ZRANB1: variants seen among roughly 807,000 people sequenced by gnomAD.
The protein encoded by ZRANB1 is zinc finger RANBP2-type containing 1.
Under a neutral mutation model 80.5 loss-of-function variants are expected in ZRANB1, and 16 were observed. The observed-to-expected ratio is 0.20, with a 90% confidence interval of 0.13 to 0.30. The LOEUF is 0.30. Among genes scored for constraint, ZRANB1 ranks in the 10% least tolerant of loss-of-function variants. ZRANB1 has a pLI of 1.00. For missense variants in ZRANB1, 576 were observed against 862.6 expected, an observed-to-expected ratio of 0.67 and a Z score of 4.16; for synonymous variants, 291 against 293.1, an observed-to-expected ratio of 0.99 and a Z score of 0.07.
At position 124,985,068 on chromosome 10, in the gene ZRANB1, G is replaced by C; in HGVS notation, c.*76G>C. The C allele has an allele frequency of 8.3e-7, 1 of 1,203,850 alleles. No individual in the cohort carries two copies. The highest frequency in any genetic ancestry group is 1.2e-6 in the Non-Finnish European group (1 of 847,304). 74.6% of individuals were successfully genotyped at this position (1,203,850 alleles called of 1,614,324 possible). A position where few individuals can be genotyped will look rare whatever the true frequency, so the allele number is the denominator to read the frequency against. ...TAAAGTTAGTGTGGTGCTCCAAGCA[G>C]AGTCGACATCATGGAATGAACCAAA... On this transcript the variant is annotated 3_prime_UTR_variant, in exon 9 of 9. Transcript: ENST00000359653.
intron 1 of ZRANB1, among the ~76,000 whole-genome samples, chr10:124,962,672 AAT>A (rs1484970913): frequency 6.8e-6 from 1 of 147,624 alleles, no homozygotes; most frequent in Admixed American, 6.9e-5. Flanking sequence ...CTTACGGAAT[AAT>A]ATATGTTTGC....
At chr10:124,956,322 G>A (rs977295454) in intron 1 of ZRANB1, among the ~76,000 whole-genome samples, 4 of 152,016 alleles carry the variant, frequency 2.6e-5, no homozygotes, top group South Asian at 2.1e-4. Flanking sequence ...AAAAAGTTGC[G>A]TTAAACTAGG....
chr10:124,978,828 A>G (rs1295006782), intron 5 of ZRANB1, among the ~76,000 whole-genome samples: 5 of 117,294 alleles, frequency 4.3e-5, no homozygotes, highest in African/African-American at 1.4e-4. Flanking sequence ...ATTTTTTTGT[A>G]GAGACGGGGT....
At chr10:124,927,835 G>T in the ZRANB1 span, among the ~76,000 whole-genome samples, 1 of 152,134 alleles carries the variant, frequency 6.6e-6, no homozygotes, top group Admixed American at 6.5e-5. Flanking sequence ...CCAGGAGTTG[G>T]AGACCAGCCT....
intron 2 of ZRANB1, among the ~76,000 whole-genome samples, chr10:124,969,334 T>C (rs1303241286): frequency 6.6e-6 from 1 of 151,880 alleles, no homozygotes; most frequent in African/African-American, 2.4e-5. Context: ...AAGAGCAAAA[T>C]TGGTCATGGA....
At chr10:124,922,266 T>C in the ZRANB1 span, among the ~76,000 whole-genome samples, 1 of 75,356 alleles carries the variant, frequency 1.3e-5, no homozygotes, top group South Asian at 5.3e-4. Flanking sequence ...GTAAAATATA[T>C]ATATATATAT....
Position 124,987,734 on chromosome 10 carries a change from A to G in ZRANB1, c.*2742A>G, listed in dbSNP as rs1160082074. 1 of 152,194 alleles carries G rather than the reference A, an allele frequency of 6.6e-6. No homozygotes were observed. The highest frequency in any genetic ancestry group is 1.5e-5 in the Non-Finnish European group (1 of 68,026). 9.4% of individuals were successfully genotyped at this position (152,194 alleles called of 1,614,324 possible). ...GAGCAGACAAGGCCAGGCAAGCCAA[A>G]GGCTTTAAGACACCATGATTTTCTT... On this transcript the variant is annotated 3_prime_UTR_variant, in exon 9 of 9. Coordinates refer to ENST00000359653, the MANE Select transcript of ZRANB1 (RefSeq NM_017580.3).
chr10:124,921,188 C>T, the ZRANB1 span, among the ~76,000 whole-genome samples: 1 of 152,118 alleles, frequency 6.6e-6, no homozygotes, highest in African/African-American at 2.4e-5. Context: ...GGGGCAGTTA[C>T]TTGGGTCTTG....
intron 2 of ZRANB1, among the ~76,000 whole-genome samples, chr10:124,970,742 T>C (rs1462331158): frequency 6.6e-6 from 1 of 151,926 alleles, no homozygotes; most frequent in Non-Finnish European, 1.5e-5. Flanking sequence ...CACACCCCAC[T>C]GTGGCTGGAA....
chr10:124,942,705 G>A lies in ZRANB1; in HGVS notation c.212G>A (p.Ser71Asn). ...GSSPLICPDS[S>N]ARPRVKSSYS... ...AGTCCTTTGATATGTCCAGACTCTAGTGCAAGACCAAGGGTGAAATCTTCG... is the reference window on the plus strand; with the variant it reads ...AGTCCTTTGATATGTCCAGACTCTAATGCAAGACCAAGGGTGAAATCTTCG... Residue 71 changes from serine (S) to asparagine (N), a missense_variant, in exon 1 of 9, where the codon AGT becomes AAT. Physicochemically the swap from Ser to Asn is conservative, Grantham distance 46. Coordinates refer to ENST00000359653, the MANE Select transcript of ZRANB1 (RefSeq NM_017580.3). 1 of 1,614,228 alleles carries A rather than the reference G, an allele frequency of 6.2e-7. No homozygotes were observed. The highest frequency in any genetic ancestry group is 8.5e-7 in the Non-Finnish European group (1 of 1,180,044).
rs1952058528 is a variant in ZRANB1, at chr10:124,986,873, C to T, written c.*1881C>T. On this transcript the variant is annotated 3_prime_UTR_variant, in exon 9 of 9. Coordinates refer to ENST00000359653, the MANE Select transcript of ZRANB1 (RefSeq NM_017580.3). ...AAAAGCATGTAGCCATTGCAGTCTG[C>T]ATTGCAGCCAGCGTTGTCCAGAGTA... The T allele has an allele frequency of 8.9e-6, 1 of 112,646 alleles. No individual in the cohort carries two copies. Among genetic ancestry groups the T allele is most frequent in the South Asian group, 3.3e-4 (1 of 3,004 alleles). 7.0% of individuals were successfully genotyped at this position (112,646 alleles called of 1,614,324 possible).
At position 124,942,299 on chromosome 10, in the gene ZRANB1, G is replaced by T; in HGVS notation, c.-195G>T. ...AGAATTTATCTCCAGTGTTTCTATG[G>T]AAATTAAAAAAGAAAATTAGGATAA... On this transcript the variant is annotated 5_prime_UTR_variant, in exon 1 of 9. An upstream open reading frame in the 5' UTR gains an earlier in-frame stop. Coordinates refer to ENST00000359653, the MANE Select transcript of ZRANB1 (RefSeq NM_017580.3). 1 of 1,401,958 alleles carries T rather than the reference G, an allele frequency of 7.1e-7. No homozygotes were observed. The highest frequency in any genetic ancestry group is 9.2e-7 in the Non-Finnish European group (1 of 1,082,334). 86.8% of individuals were successfully genotyped at this position (1,401,958 alleles called of 1,614,324 possible). A position where few individuals can be genotyped will look rare whatever the true frequency, so the allele number is the denominator to read the frequency against.
Position 124,942,180 on chromosome 10 carries a change from T to C in ZRANB1, c.-314T>C, listed in dbSNP as rs1393313287. The C allele has an allele frequency of 2.6e-6, 3 of 1,138,846 alleles. No individual in the cohort carries two copies. In the East Asian group the frequency reaches 1.6e-4, roughly 63 times the overall value. The allele number at this position is 1,138,846 out of a possible 1,614,324, so 70.5% of individuals were successfully genotyped here. The stretch of plus-strand genomic sequence containing the variant: ...TAGTGGCTTCCCGTTAATCTCATCC[T>C]TCTTAGATCAAACCTCGTTATATCT... On this transcript the variant is annotated 5_prime_UTR_variant, in exon 1 of 9. Coordinates refer to ENST00000359653, the MANE Select transcript of ZRANB1 (RefSeq NM_017580.3).
At chr10:124,920,731 C>G in the ZRANB1 span, among the ~76,000 whole-genome samples, 18 of 152,024 alleles carry the variant, frequency 1.2e-4, no homozygotes, top group African/African-American at 4.3e-4. Flanking sequence ...ATTCAGTCTT[C>G]TCTTGCGTGA....
At chr10:124,936,952 T>C in the ZRANB1 span, among the ~76,000 whole-genome samples, 2 of 152,130 alleles carry the variant, frequency 1.3e-5, no homozygotes, top group South Asian at 4.1e-4. Context: ...TTAAGGCTGC[T>C]TTTTGTTGTT....
chr10:124,944,967 C>T (rs1449303462), intron 1 of ZRANB1, among the ~76,000 whole-genome samples: 1 of 152,076 alleles, frequency 6.6e-6, no homozygotes, highest in African/African-American at 2.4e-5. Flanking sequence ...CTGTGTTGTC[C>T]CATTTTATTC....
Position 124,943,054 on chromosome 10 carries a change from G to A in ZRANB1, c.561G>A (p.Glu187=). ...PNNIEAIELA[E]TEEASSIINE... ...ACATTGAAGCAATAGAATTGGCAGA[G>A]ACTGAAGAGGCTTCTTCAATAATAA... Residue 187 remains glutamate, a synonymous_variant, in exon 1 of 9, where the codon GAG becomes GAA. Transcript: ENST00000359653. The A allele has an allele frequency of 6.2e-7, 1 of 1,614,218 alleles. No individual in the cohort carries two copies. Among genetic ancestry groups the A allele is most frequent in the Non-Finnish European group, 8.5e-7 (1 of 1,180,030 alleles).
At chr10:124,918,832 C>G in the ZRANB1 span, among the ~76,000 whole-genome samples, 1 of 152,294 alleles carries the variant, frequency 6.6e-6, no homozygotes, top group African/African-American at 2.4e-5. Context: ...ACTAAAATTT[C>G]ATAACATTGT....
At chr10:124,924,179 C>T in the ZRANB1 span, among the ~76,000 whole-genome samples, 1 of 151,608 alleles carries the variant, frequency 6.6e-6, no homozygotes, top group Non-Finnish European at 1.5e-5. Context: ...GCTGGGACTG[C>T]AGGCTTGATG....
Sources: gnomAD v4.1 joint callset for allele counts (sites outside exome capture counted in the v4.1 genomes callset) on GRCh38, gnomAD v4.1.1 for gene constraint, MANE v1.5 for transcripts, NCBI Gene and HGNC (gene_info 2026-07-23, HGNC 2026-07-21) for gene names.